ENOX1: variants seen among roughly 807,000 people sequenced by gnomAD.
ENOX1 encodes ecto-NOX disulfide-thiol exchanger 1, also known as candidate growth-related and time keeping constitutive hydroquinone (NADH) oxidase.
ENOX1 carries 42 observed loss-of-function variants against 82.5 expected under a neutral mutation model. The ratio of observed to expected loss-of-function variants is 0.51; its 90% CI spans 0.40 to 0.66. The LOEUF (loss-of-function observed/expected upper bound fraction) is 0.66. ENOX1 is among the 30% of genes least tolerant of loss of function. The pLI is 0.00. For missense variants in ENOX1, 608 were observed against 811.6 expected, an observed-to-expected ratio of 0.75 and a Z score of 3.05; for synonymous variants, 271 against 282.2, an observed-to-expected ratio of 0.96 and a Z score of 0.40.
At position 43,435,484 on chromosome 13, in the gene ENOX1, C is replaced by T. The variant is rs140722777; in HGVS notation, c.-74-22496G>A. Among the ~76,000 whole-genome samples the T allele has an allele frequency of 9.9e-5, 15 of 152,274 alleles. No individual in the cohort carries two copies. The East Asian group carries it at 2.9e-3, about 29-fold the overall frequency. On this transcript the variant is annotated intron_variant, in intron 3 of 16. Coordinates refer to ENST00000690772, the MANE Select transcript of ENOX1 (RefSeq NM_001347969.2). ...GTCCTCTCTGCCCAGTTACTGACCA[C>T]GGCACCAAGCTTCAGATTCTGTTTA... is the stretch of plus-strand genomic sequence containing the variant.
intron 1 of ENOX1, among the ~76,000 whole-genome samples, chr13:43,737,477 G>A (rs900088337): frequency 3.9e-5 from 6 of 152,086 alleles, no homozygotes; most frequent in African/African-American, 9.7e-5. Context: ...TCACTGTTCC[G>A]GAGGCCACAG....
intron 3 of ENOX1, among the ~76,000 whole-genome samples, chr13:43,481,439 C>T (rs113279372): frequency 0.015 from 2,254 of 152,128 alleles, 50 homozygotes; most frequent in African/African-American, 0.051. Flanking sequence ...ATAAATTGTG[C>T]TGGGAAAACT....
At chr13:43,573,158 T>C (rs555510081) in intron 2 of ENOX1, among the ~76,000 whole-genome samples, 1 of 152,180 alleles carries the variant, frequency 6.6e-6, no homozygotes, top group East Asian at 1.9e-4. Context: ...GGAGAACTAA[T>C]AGCAGGCTTG....
intron 5 of ENOX1, among the ~76,000 whole-genome samples, chr13:43,402,908 TGTG>T (rs148457727): frequency 0.023 from 3,477 of 152,244 alleles, 133 homozygotes; most frequent in African/African-American, 0.078. Context: ...CATTTCCTAG[TGTG>T]GAATGCAAAT....
intron 1 of ENOX1, among the ~76,000 whole-genome samples, chr13:43,766,420 C>T (rs1276911239): frequency 6.6e-6 from 1 of 152,146 alleles, no homozygotes; most frequent in East Asian, 1.9e-4. Flanking sequence ...TTGATTAAGG[C>T]TACTGCTGTA....
intron 2 of ENOX1, among the ~76,000 whole-genome samples, chr13:43,620,479 T>A (rs1295563378): frequency 2.6e-5 from 4 of 152,152 alleles, no homozygotes; most frequent in Non-Finnish European, 4.4e-5. Flanking sequence ...ATTTTTAAAT[T>A]TCCATCTTGA....
intron 1 of ENOX1, among the ~76,000 whole-genome samples, chr13:43,755,970 A>G (rs1248597573): frequency 1.3e-5 from 2 of 152,240 alleles, no homozygotes; most frequent in Non-Finnish European, 2.9e-5. Context: ...ACTAAAAATC[A>G]GAACACCATC....
At chr13:43,523,955 T>C (rs146452744) in intron 2 of ENOX1, among the ~76,000 whole-genome samples, 15 of 152,256 alleles carry the variant, frequency 9.9e-5, no homozygotes, top group Middle Eastern at 3.4e-3. Flanking sequence ...CTTAATTTTT[T>C]AGTCCATTAC....
chr13:43,346,738 G>A (rs1046836918), intron 8 of ENOX1, among the ~76,000 whole-genome samples: 29 of 152,124 alleles, frequency 1.9e-4, no homozygotes, highest in African/African-American at 6.5e-4. Flanking sequence ...TTTGTGAGAG[G>A]CCCACTGCAA....
At chr13:43,351,175 A>G (rs906020308) in intron 8 of ENOX1, among the ~76,000 whole-genome samples, 1 of 152,178 alleles carries the variant, frequency 6.6e-6, no homozygotes, top group African/African-American at 2.4e-5. Flanking sequence ...ACATGTCCCT[A>G]AAGAAGTCTC....
chr13:43,505,163 C>T (rs2077109639), intron 2 of ENOX1, among the ~76,000 whole-genome samples: 1 of 151,874 alleles, frequency 6.6e-6, no homozygotes, highest in African/African-American at 2.4e-5. Context: ...GCTTCCAGTT[C>T]AACATGGTAA....
chr13:43,364,884 T>A (rs7338105), intron 5 of ENOX1, among the ~76,000 whole-genome samples: 1 of 151,990 alleles, frequency 6.6e-6, no homozygotes, highest in Non-Finnish European at 1.5e-5. Context: ...AGGGAATTGC[T>A]GGGAGAGAGC....
At chr13:43,584,408 T>C (rs2080884001) in intron 2 of ENOX1, among the ~76,000 whole-genome samples, 2 of 152,208 alleles carry the variant, frequency 1.3e-5, no homozygotes. Context: ...AGTCATAATG[T>C]CGAGTTTCAA....
intron 3 of ENOX1, chr13:43,459,512 TATCA>T (rs1178343921): frequency 1.1e-4 from 17 of 152,220 alleles, no homozygotes; most frequent in African/African-American, 4.1e-4. Context: ...TTCATTTTTC[TATCA>T]ATCTAACAAC....
At chr13:43,696,817 A>G (rs2086664217) in intron 1 of ENOX1, among the ~76,000 whole-genome samples, 2 of 147,510 alleles carry the variant, frequency 1.4e-5, no homozygotes, top group Admixed American at 1.4e-4. Flanking sequence ...TTTTAAGAAT[A>G]TATAAGAATA....
chr13:43,608,855 C>T (rs1487502797), intron 2 of ENOX1, among the ~76,000 whole-genome samples: 1 of 152,192 alleles, frequency 6.6e-6, no homozygotes, highest in East Asian at 1.9e-4. Flanking sequence ...GGGCACCCTG[C>T]AGAGTGTCCA....
chr13:43,221,293 T>A (rs1208272259), intron 16 of ENOX1, among the ~76,000 whole-genome samples: 1 of 152,204 alleles, frequency 6.6e-6, no homozygotes, highest in African/African-American at 2.4e-5. Context: ...ACCCTCCTCT[T>A]GACTGTAAGA....
rs561911058 is a variant in ENOX1 at position 43,391,819 on chromosome 13, T to G, written c.208+20097A>C. Among the ~76,000 whole-genome samples, 4 of 152,312 alleles carry G rather than the reference T, an allele frequency of 2.6e-5. No individual in the cohort carries two copies. In the East Asian group the frequency reaches 7.7e-4, roughly 29 times the overall value. On this transcript the variant is annotated intron_variant, in intron 5 of 16. Coordinates refer to ENST00000690772, the MANE Select transcript of ENOX1 (RefSeq NM_001347969.2). ...CCTACCCCACTTCCCAAATCCATTC[T>G]CTTTTAACATTAAATTCAATCATAG...
chr13:43,447,261 G>A (rs1369800463), intron 3 of ENOX1, among the ~76,000 whole-genome samples: 4 of 152,206 alleles, frequency 2.6e-5, no homozygotes, highest in African/African-American at 9.7e-5. Context: ...CATATAGTAG[G>A]CTTGATAAAT....
Sources: gnomAD v4.1 joint callset for allele counts (sites outside exome capture counted in the v4.1 genomes callset) on GRCh38, gnomAD v4.1.1 for gene constraint, MANE v1.5 for transcripts, NCBI Gene and HGNC (gene_info 2026-07-23, HGNC 2026-07-21) for gene names.